LDLRAD4: variants seen among roughly 807,000 people sequenced by gnomAD.
LDLRAD4 encodes low-density lipoprotein receptor class A domain-containing protein 4.
Under a neutral mutation model 17.0 loss-of-function variants are expected in LDLRAD4, and 5 were observed. The ratio of observed to expected loss-of-function variants is 0.29; its 90% confidence interval spans 0.15 to 0.62. The LOEUF is 0.62. Among genes scored for constraint, LDLRAD4 ranks in the 20% least tolerant of loss-of-function variants. The pLI, the probability that LDLRAD4 is intolerant of heterozygous loss-of-function variation, is 0.84. For missense variants in LDLRAD4, 340 were observed against 424.7 expected (o/e 0.80, Z 1.75); for synonymous variants, 168 against 171.8 (o/e 0.98, Z 0.17).
intron 3 of LDLRAD4, chr18:13,486,954 C>T (rs1385592866): frequency 6.6e-6 from 1 of 152,234 alleles, no homozygotes. Context: ...CCCACACGCA[C>T]CCCAACGCTT....
intron 2 of LDLRAD4, among the ~76,000 whole-genome samples, chr18:13,434,151 G>A (rs149833230): frequency 6.8e-6 from 1 of 146,812 alleles, no homozygotes; most frequent in Non-Finnish European, 1.5e-5. Flanking sequence ...ATGCAGAGAA[G>A]CTGAATACCC....
chr18:13,375,020 T>C (rs2084799530), intron 1 of LDLRAD4, among the ~76,000 whole-genome samples: 1 of 152,218 alleles, frequency 6.6e-6, no homozygotes, highest in South Asian at 2.1e-4. Context: ...ACACTGGGCA[T>C]GGTGCTATCT....
At chr18:13,553,890 G>A (rs1220634641) in intron 3 of LDLRAD4, among the ~76,000 whole-genome samples, 1 of 152,130 alleles carries the variant, frequency 6.6e-6, no homozygotes, top group African/African-American at 2.4e-5. Context: ...CCTTTTGTCA[G>A]GTGGAACCGA....
At chr18:13,295,608 G>A (rs1329814695) in intron 1 of LDLRAD4, among the ~76,000 whole-genome samples, 1 of 152,230 alleles carries the variant, frequency 6.6e-6, no homozygotes, top group Non-Finnish European at 1.5e-5. Context: ...ACCTTGAAAT[G>A]TTAAGCATTG....
intron 1 of LDLRAD4, among the ~76,000 whole-genome samples, chr18:13,351,390 A>G (rs2083027181): frequency 6.6e-6 from 1 of 152,024 alleles, no homozygotes; most frequent in Non-Finnish European, 1.5e-5. Flanking sequence ...CTTTGTAGCA[A>G]TTGTGAATGG....
At chr18:13,436,764 C>T (rs971170965) in intron 2 of LDLRAD4, among the ~76,000 whole-genome samples, 2 of 152,252 alleles carry the variant, frequency 1.3e-5, no homozygotes, top group South Asian at 4.1e-4. Context: ...CCACGTGGCC[C>T]AGCCTCACTC....
At chr18:13,525,529 T>C (rs1452631152) in intron 3 of LDLRAD4, among the ~76,000 whole-genome samples, 1 of 152,228 alleles carries the variant, frequency 6.6e-6, no homozygotes, top group African/African-American at 2.4e-5. Context: ...ATCTGACCAA[T>C]GTCACTGGAA....
chr18:13,597,506 T>TTCTC (rs58235384), intron 3 of LDLRAD4, among the ~76,000 whole-genome samples: 65,791 of 147,806 alleles, frequency 0.45, 14,658 homozygotes, highest in East Asian at 0.6. Context: ...TTCTGCTCAT[T>TTCTC]TCTCTCTCTC....
intron 3 of LDLRAD4, chr18:13,620,879 G>A (rs1295219395): frequency 1.7e-6 from 1 of 582,530 alleles, no homozygotes; most frequent in Non-Finnish European, 3.1e-6. Flanking sequence ...TCAGCTCCCT[G>A]TGGTGGGGGA....
intron 1 of LDLRAD4, among the ~76,000 whole-genome samples, chr18:13,286,247 A>G (rs2045616930): frequency 6.6e-6 from 1 of 152,252 alleles, no homozygotes. Context: ...GTTCACACAC[A>G]TTGGAGCCTA....
At chr18:13,493,225 A>G (rs2093395115) in intron 3 of LDLRAD4, among the ~76,000 whole-genome samples, 1 of 152,182 alleles carries the variant, frequency 6.6e-6, no homozygotes, top group Non-Finnish European at 1.5e-5. Context: ...TGCCATTTCC[A>G]CAAGTCTGCT....
rs1013101685 is a variant in LDLRAD4, at chr18:13,470,251, G to T, written c.181+31867G>T. On this transcript the variant is annotated intron_variant, in intron 3 of 5. Coordinates refer to ENST00000359446, the Ensembl canonical transcript of LDLRAD4. Reference sequence around the variant, plus strand: ...TTGTAGAGTCTCTTGACTTTCTTCAGACTCATATTTTCATAGAGAAATAAG... The same window carrying T: ...TTGTAGAGTCTCTTGACTTTCTTCATACTCATATTTTCATAGAGAAATAAG... 3.3e-5 allele frequency among the ~76,000 whole-genome samples: 5 copies of T among 152,052 alleles called. No individual in the cohort carries two copies. In the South Asian group the frequency reaches 1.0e-3, roughly 31 times the overall value.
At chr18:13,470,071 C>T (rs936275292) in intron 3 of LDLRAD4, among the ~76,000 whole-genome samples, 1 of 152,218 alleles carries the variant, frequency 6.6e-6, no homozygotes, top group Non-Finnish European at 1.5e-5. Flanking sequence ...TCCAGACTAA[C>T]ATCTAACAGG....
At chr18:13,339,139 T>C (rs1198053309) in intron 1 of LDLRAD4, among the ~76,000 whole-genome samples, 1 of 152,190 alleles carries the variant, frequency 6.6e-6, no homozygotes, top group African/African-American at 2.4e-5. Context: ...AAATAATGGC[T>C]TTTCAAAAGT....
intron 3 of LDLRAD4, among the ~76,000 whole-genome samples, chr18:13,497,888 C>A (rs1375826987): frequency 1.3e-5 from 2 of 151,576 alleles, no homozygotes; most frequent in Non-Finnish European, 2.9e-5. Flanking sequence ...ACGTGTCCCA[C>A]TGTGGACACT....
At chr18:13,238,510 G>A (rs1360416563) in intron 1 of LDLRAD4, among the ~76,000 whole-genome samples, 1 of 152,212 alleles carries the variant, frequency 6.6e-6, no homozygotes, top group African/African-American at 2.4e-5. Flanking sequence ...TCTACTCTGT[G>A]CTCTTTCTGT....
At chr18:13,560,102 G>C (rs2094525287) in intron 3 of LDLRAD4, among the ~76,000 whole-genome samples, 1 of 152,182 alleles carries the variant, frequency 6.6e-6, no homozygotes, top group African/African-American at 2.4e-5. Flanking sequence ...TCTAGTTCCT[G>C]TCATGCTTTT....
At chr18:13,347,643 T>C (rs985316558) in intron 1 of LDLRAD4, among the ~76,000 whole-genome samples, 287 of 152,330 alleles carry the variant, frequency 1.9e-3, no homozygotes, top group African/African-American at 6.4e-3. Flanking sequence ...GGGAAGTTCT[T>C]CTGGATAATA....
Position 13,446,753 on chromosome 18 carries a change from C to G in LDLRAD4, c.181+8369C>G, listed in dbSNP as rs571680376. 2.6e-5 allele frequency among the ~76,000 whole-genome samples: 4 copies of G among 152,364 alleles called. No homozygotes were observed. The East Asian group carries it at 7.7e-4, about 29-fold the overall frequency. On this transcript the variant is annotated intron_variant, in intron 3 of 5. Coordinates refer to ENST00000359446, the Ensembl canonical transcript of LDLRAD4. ...GGCTCTGTTTCTGCCATCACCATCC[C>G]CGCTTCACCTGCTGCGGGCGCCAAG... is the stretch of plus-strand genomic sequence containing the variant.
Sources: gnomAD v4.1 joint callset for allele counts (sites outside exome capture counted in the v4.1 genomes callset) on GRCh38, gnomAD v4.1.1 for gene constraint, MANE v1.5 for transcripts, NCBI Gene and HGNC (gene_info 2026-07-23, HGNC 2026-07-21) for gene names.